The following NDUFA13 variants were observed in gnomAD, a reference collection of about 807,000 sequenced individuals.
NDUFA13 encodes the protein NADH:ubiquinone oxidoreductase subunit A13, also known as NADH dehydrogenase [ubiquinone] 1 alpha subcomplex subunit 13.
A neutral mutation model predicts 17.0 loss-of-function variants in NDUFA13; 16 were observed. The ratio of observed to expected loss-of-function variants is 0.94; its 90% CI spans 0.64 to 1.43. The LOEUF (loss-of-function observed/expected upper bound fraction) is 1.43, where lower values mean the gene tolerates loss of function less well. Ranked by LOEUF, NDUFA13 falls within the 40% of genes most tolerant of loss-of-function variation. The probability of loss-of-function intolerance (pLI) is 0.00; values close to 1 mark genes in which losing one functional copy is unlikely to be tolerated. For synonymous variants in NDUFA13, 87 were observed against 78.4 expected, an observed-to-expected ratio of 1.11 and a Z score of -0.58; for missense variants, 228 against 206.7, an observed-to-expected ratio of 1.10 and a Z score of -0.63.
intron 1 of NDUFA13, among the ~76,000 whole-genome samples, chr19:19,522,580 G>A (rs1404198206): frequency 2.1e-5 from 3 of 140,388 alleles, no homozygotes; most frequent in Admixed American, 7.7e-5. Flanking sequence ...CCGGGTTCAC[G>A]CCATTCTCCT....
chr19:19,521,537 A>G (rs2061077632), intron 1 of NDUFA13, among the ~76,000 whole-genome samples: 1 of 152,202 alleles, frequency 6.6e-6, no homozygotes, highest in South Asian at 2.1e-4. Flanking sequence ...GGCCATTTGT[A>G]TGTCTGTCTG....
At chr19:19,520,779 C>T (rs758924505) in intron 1 of NDUFA13, among the ~76,000 whole-genome samples, 8 of 152,312 alleles carry the variant, frequency 5.3e-5, no homozygotes, top group South Asian at 4.1e-4. Context: ...AATCATCCCA[C>T]CCCTGGCAAA....
At chr19:19,522,212 G>A (rs1240867463) in intron 1 of NDUFA13, among the ~76,000 whole-genome samples, 2 of 151,864 alleles carry the variant, frequency 1.3e-5, no homozygotes, top group Non-Finnish European at 1.5e-5. Flanking sequence ...GGCTGAGGCA[G>A]GAGAATGGCG....
At chr19:19,520,409 C>A (rs1163994585) in intron 1 of NDUFA13, among the ~76,000 whole-genome samples, 1 of 152,176 alleles carries the variant, frequency 6.6e-6, no homozygotes, top group African/African-American at 2.4e-5. Context: ...GCGGATGGAT[C>A]ACCTGAGCTC....
intron 2 of NDUFA13, chr19:19,526,623 G>C (rs1164955095): frequency 8.3e-6 from 3 of 361,904 alleles, no homozygotes; most frequent in Middle Eastern, 9.7e-4. Context: ...GGATATGAGT[G>C]GGGGGCCTGC....
intron 1 of NDUFA13, 136 bp downstream of exon 1, chr19:19,516,468 T>C (rs1028634364): frequency 1.1e-6 from 1 of 911,944 alleles, no homozygotes; most frequent in African/African-American, 1.6e-5. Context: ...TCATAGCTTC[T>C]GTAATAACGC....
At position 19,528,002 on chromosome 19, in the gene NDUFA13, C is replaced by CT. The variant is rs763020729; in HGVS notation, c.316-5_316-4insT. 6.2e-7 allele frequency: 1 copy of CT among 1,612,702 alleles called. No individual in the cohort carries two copies. The highest frequency in any genetic ancestry group is 8.5e-7 in the Non-Finnish European group (1 of 1,179,904). ...GCCTCTACCCATACCCCACTGTCCC[C>CT]ACAGGTGGGGGAGTCTGTGTTCCAC... On this transcript the variant is annotated splice_region_variant and splice_polypyrimidine_tract_variant and intron_variant, in intron 4 of 4. Coordinates refer to ENST00000507754, the MANE Select transcript of NDUFA13 (RefSeq NM_015965.7).
intron 1 of NDUFA13, among the ~76,000 whole-genome samples, chr19:19,516,747 C>G (rs1234076781): frequency 6.6e-6 from 1 of 152,178 alleles, no homozygotes; most frequent in Non-Finnish European, 1.5e-5. Context: ...GCTGGCAGCC[C>G]CCGCCTGCAT....
At chr19:19,517,432 G>T (rs145914426) in intron 1 of NDUFA13, among the ~76,000 whole-genome samples, 2 of 151,614 alleles carry the variant, frequency 1.3e-5, no homozygotes, top group African/African-American at 4.8e-5. Context: ...GGCTGGTCTC[G>T]AAGTCCTGGG....
intron 2 of NDUFA13, 130 bp from the exon 3 acceptor site, chr19:19,527,151 G>GCCCCC: frequency 5.6e-6 from 5 of 889,710 alleles, no homozygotes; most frequent in Non-Finnish European, 6.9e-6. Flanking sequence ...CCCTCGCCCT[G>GCCCCC]CCCCCTGCCT....
rs775150533 is a variant in NDUFA13 at position 19,516,289 on chromosome 19, G to T, written c.51G>T (p.Gly17=). 6.2e-7 allele frequency: 1 copy of T among 1,613,776 alleles called. No individual in the cohort carries two copies. Among genetic ancestry groups the T allele is most frequent in the Non-Finnish European group, 8.5e-7 (1 of 1,180,034 alleles). ...KQDMPPPGGY[G]PIDYKRNLPR... ...ACATGCCTCCGCCGGGGGGCTATGGGCCCATCGACTACAAACGGAACTTGC... is the reference window on the plus strand; with the variant it reads ...ACATGCCTCCGCCGGGGGGCTATGGTCCCATCGACTACAAACGGAACTTGC... Residue 17 remains glycine (G), a synonymous_variant, in exon 1 of 5, where the codon GGG becomes GGT. Transcript: ENST00000507754.
Position 19,527,309 on chromosome 19 carries a change from C to CGCATCGCGCTGTTGCCACTGTTACAG in NDUFA13, c.206_231dup (p.Glu78SerfsTer30), listed in dbSNP as rs777859925. ...CCTACAAATCGAGGACTTCGAGGCT[C>CGCATCGCGCTGTTGCCACTGTTACAG]GCATCGCGCTGTTGCCACTGTTACA... On this transcript the variant is annotated frameshift_variant, in exon 3 of 5. Coordinates refer to ENST00000507754, the MANE Select transcript of NDUFA13 (RefSeq NM_015965.7). LOFTEE classifies it high-confidence loss of function. 8 of 1,613,942 alleles carry CGCATCGCGCTGTTGCCACTGTTACAG rather than the reference C, an allele frequency of 5.0e-6. No homozygotes were observed. Among genetic ancestry groups the CGCATCGCGCTGTTGCCACTGTTACAG allele is most frequent in the Non-Finnish European group, 1.7e-6 (2 of 1,180,016 alleles).
chr19:19,519,494 C>T (rs113363022), intron 1 of NDUFA13, among the ~76,000 whole-genome samples: 4,181 of 152,270 alleles, frequency 0.027, 86 homozygotes, highest in South Asian at 0.059. Context: ...ACACACCCAC[C>T]CCAGCCTTTC....
At chr19:19,527,224 CT>C (rs1217709821) in intron 2 of NDUFA13, 56 bp from the exon 3 acceptor site, 1 of 1,597,206 alleles carries the variant, frequency 6.3e-7, no homozygotes, top group Non-Finnish European at 8.6e-7. Flanking sequence ...TCTGTGCTGC[CT>C]GTGCTCCCCC....
intron 1 of NDUFA13, among the ~76,000 whole-genome samples, chr19:19,521,920 T>G (rs753979961): frequency 1.1e-4 from 16 of 152,156 alleles, no homozygotes; most frequent in Non-Finnish European, 1.9e-4. Flanking sequence ...TTTTTTAAAT[T>G]ATTGAATTAT....
chr19:19,526,629 C>A (rs1489566516), intron 2 of NDUFA13: 2 of 353,852 alleles, frequency 5.7e-6, no homozygotes, highest in Non-Finnish European at 1.1e-5. Context: ...GAGTGGGGGG[C>A]CTGCCTCGGG....
chr19:19,527,906 T>C lies in NDUFA13; in HGVS notation c.316-101T>C. On this transcript the variant is annotated intron_variant, in intron 4 of 4. Transcript: ENST00000507754. ...TGCCAGGTCCCACAAGGGAAGGCTG[T>C]AGCGCCTGCCACGCACAGGGGCCAC... The C allele has an allele frequency of 2.0e-6, 3 of 1,510,464 alleles. No homozygotes were observed. The South Asian group carries it at 3.5e-5, about 18-fold the overall frequency. The allele number at this position is 1,510,464 out of a possible 1,614,324, so 93.6% of individuals were successfully genotyped here. A position where few individuals can be genotyped will look rare whatever the true frequency, so the allele number is the denominator to read the frequency against.
chr19:19,527,882 G>C lies in NDUFA13; in HGVS notation c.315+112G>C, dbSNP rs1205366652. The C allele has an allele frequency of 5.4e-6, 8 of 1,475,252 alleles. No individual in the cohort carries two copies. The Admixed American group carries it at 1.4e-4, about 25-fold the overall frequency. 91.4% of individuals were successfully genotyped at this position (1,475,252 alleles called of 1,614,324 possible). A position where few individuals can be genotyped will look rare whatever the true frequency, so the allele number is the denominator to read the frequency against. On this transcript the variant is annotated intron_variant, in intron 4 of 4. Transcript: ENST00000507754. Reference sequence around the variant, plus strand: ...CCCCAGGACCAAGGGGGTGGTGGGTGCCAGGTCCCACAAGGGAAGGCTGTA... The same window carrying C: ...CCCCAGGACCAAGGGGGTGGTGGGTCCCAGGTCCCACAAGGGAAGGCTGTA...
At chr19:19,527,235 C>T (rs200319000) in intron 2 of NDUFA13, 46 bp from the exon 3 acceptor site, 103 of 1,609,684 alleles carry the variant, frequency 6.4e-5, no homozygotes, top group East Asian at 1.3e-4. Flanking sequence ...TGTGCTCCCC[C>T]GACCTAGCCT....
Sources: gnomAD v4.1 joint callset for allele counts (sites outside exome capture counted in the v4.1 genomes callset) on GRCh38, gnomAD v4.1.1 for gene constraint, MANE v1.5 for transcripts, NCBI Gene and HGNC (gene_info 2026-07-23, HGNC 2026-07-21) for gene names.